PCDH7: variants seen among roughly 807,000 people sequenced by gnomAD.
PCDH7 encodes protocadherin 7, also known as protocadherin-7.
PCDH7 carries 17 observed loss-of-function variants against 58.9 expected under a neutral mutation model. That is an observed-to-expected ratio of 0.29 (90% CI 0.20 to 0.43). The LOEUF (loss-of-function observed/expected upper bound fraction) is 0.43. PCDH7 is among the 20% of genes least tolerant of loss of function. The pLI, the probability that PCDH7 is intolerant of heterozygous loss-of-function variation, is 1.00. For missense variants in PCDH7, 1,274 were observed against 1,441.0 expected (o/e 0.88, Z 1.88); for synonymous variants, 664 against 616.4 (o/e 1.08, Z -1.14).
intron 1 of PCDH7, among the ~76,000 whole-genome samples, chr4:30,883,530 A>C (rs1234312123): frequency 6.6e-6 from 1 of 152,204 alleles, no homozygotes; most frequent in Non-Finnish European, 1.5e-5. Context: ...ACAGACATTA[A>C]GAAATACAAT....
intron 1 of PCDH7, among the ~76,000 whole-genome samples, chr4:30,879,354 A>G (rs1280222311): frequency 1.3e-5 from 2 of 152,124 alleles, no homozygotes; most frequent in Admixed American, 6.6e-5. Flanking sequence ...ATTATTTTCC[A>G]GGATTAACAA....
At chr4:30,815,722 C>T (rs1238095848) in intron 1 of PCDH7, among the ~76,000 whole-genome samples, 5 of 152,250 alleles carry the variant, frequency 3.3e-5, no homozygotes, top group African/African-American at 1.2e-4. Context: ...TGGGAGCCCA[C>T]TTACTCAACT....
Position 30,724,647 on chromosome 4 carries a change from C to T in PCDH7, c.3174+51C>T, listed in dbSNP as rs1194130417. The stretch of plus-strand genomic sequence containing the variant: ...AATATCCCAGGGAGGGCTAATAACT[C>T]TGAGACAGATTATCTTCTGTAAAGT... On this transcript the variant is annotated intron_variant, in intron 1 of 1. Coordinates refer to ENST00000361762, the Ensembl canonical transcript of PCDH7. 3 of 1,567,020 alleles carry T rather than the reference C, an allele frequency of 1.9e-6. No homozygotes were observed. In the East Asian group the frequency reaches 6.8e-5, roughly 36 times the overall value.
At chr4:31,127,702 C>T (rs1266511542) in intron 3 of PCDH7, among the ~76,000 whole-genome samples, 1 of 152,026 alleles carries the variant, frequency 6.6e-6, no homozygotes, top group Non-Finnish European at 1.5e-5. Context: ...GTAACTAACT[C>T]TTATTCTTTG....
At chr4:31,002,547 A>G (rs1219593281) in intron 3 of PCDH7, among the ~76,000 whole-genome samples, 1 of 152,250 alleles carries the variant, frequency 6.6e-6, no homozygotes, top group African/African-American at 2.4e-5. Flanking sequence ...TTTCTGGTGC[A>G]TGACTTGAAT....
chr4:31,036,725 C>T (rs189491490), intron 3 of PCDH7, among the ~76,000 whole-genome samples: 7 of 152,264 alleles, frequency 4.6e-5, no homozygotes, highest in African/African-American at 1.4e-4. Context: ...GTCAGTACGA[C>T]TTTGAAAATT....
At chr4:30,837,974 T>C (rs1730723705) in intron 1 of PCDH7, among the ~76,000 whole-genome samples, 1 of 150,904 alleles carries the variant, frequency 6.6e-6, no homozygotes. Context: ...TGTTCCAATT[T>C]GGCATTAGCA....
intron 1 of PCDH7, among the ~76,000 whole-genome samples, chr4:30,763,650 C>T (rs990373186): frequency 1.3e-5 from 2 of 152,100 alleles, no homozygotes; most frequent in African/African-American, 4.8e-5. Flanking sequence ...TTTCAGGATC[C>T]GTTTTGTTTT....
At chr4:30,754,282 T>C (rs990849843) in intron 1 of PCDH7, among the ~76,000 whole-genome samples, 3 of 152,128 alleles carry the variant, frequency 2.0e-5, no homozygotes, top group African/African-American at 7.2e-5. Flanking sequence ...TTTAGCTCTG[T>C]ATCAGACAAT....
chr4:30,881,250 A>G (rs1412674915), intron 1 of PCDH7, among the ~76,000 whole-genome samples: 2 of 151,934 alleles, frequency 1.3e-5, no homozygotes, highest in Non-Finnish European at 2.9e-5. Context: ...TTACTTAAAA[A>G]CTGTAAGTTT....
chr4:30,906,573 T>C (rs562758181), intron 1 of PCDH7, among the ~76,000 whole-genome samples: 13 of 152,318 alleles, frequency 8.5e-5, no homozygotes, highest in South Asian at 2.1e-4. Flanking sequence ...AAGTCCAGAA[T>C]AGTGTGTAAA....
At chr4:30,788,545 TA>T (rs529715945) in intron 1 of PCDH7, among the ~76,000 whole-genome samples, 12 of 152,052 alleles carry the variant, frequency 7.9e-5, no homozygotes, top group Non-Finnish European at 1.0e-4. Context: ...ACCAAAATAA[TA>T]AAAAAAACTA....
rs146074915 is a variant in PCDH7 at position 30,899,466 on chromosome 4, C to A, written c.71-20687C>A. On this transcript the variant is annotated intron_variant, in intron 1 of 3. Coordinates refer to the PCDH7 transcript ENST00000509759. ...GCTGTGCTACTACCTGTAGCTCCCT[C>A]CTGTAAGGCTAATCTTATTTGAGCC... Among the ~76,000 whole-genome samples the A allele has an allele frequency of 3.8e-3, 579 of 152,268 alleles. 2 individuals are homozygous for A. The highest frequency in any genetic ancestry group is 0.013 in the African/African-American group (545 of 41,548).
intron 3 of PCDH7, among the ~76,000 whole-genome samples, chr4:31,106,223 T>C (rs1178351362): frequency 6.6e-6 from 1 of 152,254 alleles, no homozygotes; most frequent in South Asian, 2.1e-4. Context: ...CTTGTCCCAC[T>C]TTCTTATTGA....
chr4:30,772,851 TAAC>T (rs1721589900), intron 1 of PCDH7, among the ~76,000 whole-genome samples: 1 of 152,220 alleles, frequency 6.6e-6, no homozygotes, highest in South Asian at 2.1e-4. Context: ...TTGTTAATCC[TAAC>T]AATTCCTTTA....
At position 31,116,870 on chromosome 4, in the gene PCDH7, T is replaced by C. The variant is rs527420324; in HGVS notation, c.*8-25603T>C. On this transcript the variant is annotated intron_variant, in intron 3 of 3. Coordinates refer to the PCDH7 transcript ENST00000509759. ...TTTTTTTTGAGACGGAGTTTCGCTC[T>C]TCTTGCCCAGGCTGGAGTGCAATGG... Among the ~76,000 whole-genome samples the C allele has an allele frequency of 1.4e-3, 212 of 152,186 alleles. 1 individual carries two copies. The highest frequency in any genetic ancestry group is 4.8e-3 in the African/African-American group (201 of 41,542).
At chr4:31,054,210 C>G (rs1756970742) in intron 3 of PCDH7, among the ~76,000 whole-genome samples, 1 of 152,172 alleles carries the variant, frequency 6.6e-6, no homozygotes, top group African/African-American at 2.4e-5. Context: ...AAGCAATCCA[C>G]CTGCCTCAGC....
At chr4:31,115,051 C>A (rs774425611) in intron 3 of PCDH7, among the ~76,000 whole-genome samples, 1 of 152,118 alleles carries the variant, frequency 6.6e-6, no homozygotes, top group Non-Finnish European at 1.5e-5. Flanking sequence ...CGCAATGATT[C>A]AGTTTTGCTG....
intron 2 of PCDH7, among the ~76,000 whole-genome samples, chr4:30,922,635 G>A (rs1038063550): frequency 8.6e-5 from 13 of 152,038 alleles, no homozygotes; most frequent in African/African-American, 2.7e-4. Context: ...TCCAAAAAAC[G>A]ACTTTTAATT....
Sources: gnomAD v4.1 joint callset for allele counts (sites outside exome capture counted in the v4.1 genomes callset) on GRCh38, gnomAD v4.1.1 for gene constraint, MANE v1.5 for transcripts, NCBI Gene and HGNC (gene_info 2026-07-23, HGNC 2026-07-21) for gene names.